Variants in BROX observed in about 807,000 individuals in gnomAD.
BROX encodes BRO1 domain-containing protein BROX.
In BROX, 53 loss-of-function variants were observed where a neutral mutation model predicts 61.0. That is an observed-to-expected ratio of 0.87 (90% CI 0.70 to 1.09). The LOEUF (loss-of-function observed/expected upper bound fraction) is 1.09, where lower values mean the gene tolerates loss of function less well. BROX is among the 50% of genes least tolerant of loss of function. The pLI is 0.00. For synonymous variants in BROX, 152 were observed against 160.2 expected (o/e 0.95, Z 0.38); for missense variants, 489 against 472.0 (o/e 1.04, Z -0.33).
At chr1:222,716,085 TTTTTTA>T (rs201484494) in intron 2 of BROX, among the ~76,000 whole-genome samples, 1 of 151,358 alleles carries the variant, frequency 6.6e-6, no homozygotes. Flanking sequence ...GACATTTTTA[TTTTTTA>T]TTTTTATTTT....
At chr1:222,716,031 C>A (rs1477554486) in intron 2 of BROX, among the ~76,000 whole-genome samples, 5 of 152,178 alleles carry the variant, frequency 3.3e-5, no homozygotes, top group Admixed American at 6.5e-5. Context: ...AACAGTTAAT[C>A]TGTATATTAC....
intron 2 of BROX, among the ~76,000 whole-genome samples, chr1:222,716,534 T>C (rs1004303437): frequency 1.4e-4 from 21 of 152,248 alleles, no homozygotes; most frequent in African/African-American, 4.8e-4. Context: ...ATGAATTGTA[T>C]GGCTTAGATC....
chr1:222,724,000 A>T (rs1657303566), intron 5 of BROX, 92 bp from the exon 6 acceptor site: 1 of 840,274 alleles, frequency 1.2e-6, no homozygotes, highest in African/African-American at 1.7e-5. Context: ...AACATAAATG[A>T]CTACTTTGGA....
intron 2 of BROX, among the ~76,000 whole-genome samples, chr1:222,716,554 C>T (rs960063883): frequency 6.6e-6 from 1 of 152,126 alleles, no homozygotes; most frequent in Non-Finnish European, 1.5e-5. Context: ...CAGGGGTTGG[C>T]GAACTGTGTC....
At chr1:222,724,765 C>T (rs1664566725) in intron 6 of BROX, among the ~76,000 whole-genome samples, 1 of 152,018 alleles carries the variant, frequency 6.6e-6, no homozygotes, top group Admixed American at 6.6e-5. Context: ...GATTAGAAAG[C>T]TCTGATCCTG....
intron 12 of BROX, among the ~76,000 whole-genome samples, chr1:222,732,025 T>C (rs1428012589): frequency 6.6e-6 from 1 of 152,212 alleles, no homozygotes; most frequent in Non-Finnish European, 1.5e-5. Flanking sequence ...CTGTGACAAA[T>C]GAATAAGAAT....
At chr1:222,721,302 T>A (rs1334467440) in intron 4 of BROX, among the ~76,000 whole-genome samples, 1 of 152,228 alleles carries the variant, frequency 6.6e-6, no homozygotes, top group East Asian at 1.9e-4. Flanking sequence ...ATAACTGTCA[T>A]TTTTGGATGT....
intron 1 of BROX, 37 bp downstream of exon 1, chr1:222,712,979 T>C: frequency 4.3e-6 from 5 of 1,175,370 alleles, no homozygotes; most frequent in Non-Finnish European, 5.4e-6. Context: ...CTCAGTAATA[T>C]CCCCCGCTAC....
At chr1:222,721,049 T>A (rs1466748863) in intron 4 of BROX, among the ~76,000 whole-genome samples, 1 of 152,230 alleles carries the variant, frequency 6.6e-6, no homozygotes, top group Non-Finnish European at 1.5e-5. Context: ...TTATGTGGTG[T>A]CATAGAAATG....
At chr1:222,731,732 C>G (rs575941501) in intron 12 of BROX, among the ~76,000 whole-genome samples, 18 of 152,194 alleles carry the variant, frequency 1.2e-4, no homozygotes, top group Non-Finnish European at 8.8e-5. Flanking sequence ...TAATGACATT[C>G]TTTTCAACAC....
chr1:222,712,825 T>C lies in BROX; in HGVS notation c.-134T>C. 2 of 1,288,510 alleles carry C rather than the reference T, an allele frequency of 1.6e-6. No individual in the cohort carries two copies. Among genetic ancestry groups the C allele is most frequent in the South Asian group, 2.5e-5 (2 of 80,828 alleles). The allele number at this position is 1,288,510 out of a possible 1,614,324, so 79.8% of individuals were successfully genotyped here. A position where few individuals can be genotyped will look rare whatever the true frequency, so the allele number is the denominator to read the frequency against. On this transcript the variant is annotated 5_prime_UTR_variant, in exon 1 of 13. Coordinates refer to ENST00000340934, the MANE Select transcript of BROX (RefSeq NM_144695.4). Reference sequence around the variant, plus strand: ...CTCCGGCTTGGCGCCGTCCTGGTTTTCCGTCACCCTGGTTCTGTAGTCTCG... The same window carrying C: ...CTCCGGCTTGGCGCCGTCCTGGTTTCCCGTCACCCTGGTTCTGTAGTCTCG...
chr1:222,728,306 T>C (rs1274982866), intron 8 of BROX, among the ~76,000 whole-genome samples: 1 of 152,158 alleles, frequency 6.6e-6, no homozygotes, highest in Non-Finnish European at 1.5e-5. Flanking sequence ...GGTAGAAGGA[T>C]ATGTGAGTGA....
intron 1 of BROX, chr1:222,713,446 G>C (rs1011972270): frequency 1.8e-5 from 18 of 985,126 alleles, no homozygotes; most frequent in Admixed American, 6.2e-5. Context: ...CGGGGCTTCC[G>C]GGGTGGGGGT....
chr1:222,732,416 G>A (rs1658008976), intron 12 of BROX, among the ~76,000 whole-genome samples: 2 of 152,132 alleles, frequency 1.3e-5, no homozygotes, highest in South Asian at 4.1e-4. Context: ...CTTGGTTTTT[G>A]CCTACCAAAC....
intron 1 of BROX, 184 bp downstream of exon 1, chr1:222,713,126 CA>C: frequency 1.0e-6 from 1 of 997,090 alleles, no homozygotes; most frequent in Non-Finnish European, 1.2e-6. Context: ...CACCACAAAT[CA>C]GTGGCATTAA....
chr1:222,728,714 A>G (rs758751875), intron 8 of BROX, 29 bp from the exon 9 acceptor site: 20 of 1,466,392 alleles, frequency 1.4e-5, no homozygotes, highest in Middle Eastern at 2.2e-4. Context: ...GGGCGAAATT[A>G]TATTTTGCTT....
chr1:222,723,399 C>T (rs1251649452), intron 5 of BROX, among the ~76,000 whole-genome samples: 2 of 152,172 alleles, frequency 1.3e-5, no homozygotes, highest in Non-Finnish European at 2.9e-5. Flanking sequence ...CCTTGGCTTC[C>T]CAAAGTACTG....
intron 4 of BROX, among the ~76,000 whole-genome samples, chr1:222,721,997 C>G (rs1657131494): frequency 1.3e-5 from 2 of 152,066 alleles, no homozygotes; most frequent in African/African-American, 4.8e-5. Context: ...ATTATTCTAG[C>G]CTGAAACAAT....
intron 11 of BROX, 63 bp downstream of exon 11, chr1:222,730,240 A>G: frequency 8.9e-7 from 1 of 1,129,408 alleles, no homozygotes. Context: ...ATATTAAAAT[A>G]TTAATATTTT....
Sources: gnomAD v4.1 joint callset for allele counts (sites outside exome capture counted in the v4.1 genomes callset) on GRCh38, gnomAD v4.1.1 for gene constraint, MANE v1.5 for transcripts, NCBI Gene and HGNC (gene_info 2026-07-23, HGNC 2026-07-21) for gene names.